Variants in KIF3A observed in about 807,000 individuals in gnomAD.
The protein encoded by KIF3A is kinesin family member 3A.
KIF3A carries 27 observed loss-of-function variants against 92.6 expected under a neutral mutation model. The ratio of observed to expected loss-of-function variants is 0.29; its 90% CI spans 0.21 to 0.40. The LOEUF is 0.40. Ranked by LOEUF, KIF3A falls within the 10% of genes least tolerant of loss-of-function variation. KIF3A has a pLI of 1.00. For missense variants in KIF3A, 581 were observed against 872.6 expected (o/e 0.67, Z 4.21); for synonymous variants, 250 against 275.4 (o/e 0.91, Z 0.92).
intron 9 of KIF3A, among the ~76,000 whole-genome samples, chr5:132,710,020 C>T (rs12514685): frequency 0.32 from 48,907 of 151,974 alleles, 10,989 homozygotes; most frequent in East Asian, 0.75. Flanking sequence ...AAACAATGAC[C>T]ACATTAATGG....
At chr5:132,724,761 G>A (rs576924475) in intron 4 of KIF3A, among the ~76,000 whole-genome samples, 42 of 134,872 alleles carry the variant, frequency 3.1e-4, no homozygotes, top group Admixed American at 2.5e-3. Context: ...CCTGCACGTC[G>A]TGCACATGTA....
At chr5:132,691,450 G>A (rs1213739345), downstream of KIF3A, among the ~76,000 whole-genome samples, 1 of 151,882 alleles carries the variant, frequency 6.6e-6, no homozygotes, top group Non-Finnish European at 1.5e-5. Flanking sequence ...TGAAGGCTGA[G>A]GCAGGAGAAT....
intron 18 of KIF3A, chr5:132,697,408 T>A (rs759908383): frequency 3.3e-5 from 5 of 152,120 alleles, no homozygotes; most frequent in Non-Finnish European, 5.9e-5. Context: ...GAAAACGTAT[T>A]CAAATATCAT....
rs761468842 is a variant in KIF3A, at chr5:132,699,265, G to C, written c.2038C>G (p.Leu680Val). 9 of 1,613,654 alleles carry C rather than the reference G, an allele frequency of 5.6e-6. No individual in the cohort carries two copies. Among genetic ancestry groups the C allele is most frequent in the South Asian group, 1.1e-5 (1 of 91,064 alleles). ...CGCAGACTCTCCTCAGTATAGGCAA[G>C]ATACACGTGAGAAAGGTCCACCTCA... ...PFEVDLSHVY[L>V]AYTEESLRQS... The change falls in exon 18 of 19, where the codon CTT (leucine) becomes GTT (valine). Residue 680 changes from leucine (L) to valine (V), a missense_variant. Transcript: ENST00000403231.
At chr5:132,714,587 G>A (rs1753554073) in intron 8 of KIF3A, among the ~76,000 whole-genome samples, 1 of 152,140 alleles carries the variant, frequency 6.6e-6, no homozygotes, top group African/African-American at 2.4e-5. Flanking sequence ...CATAGAGACC[G>A]AAAGTAGAAT....
chr5:132,731,858 G>A (rs545858201), intron 2 of KIF3A, among the ~76,000 whole-genome samples: 6 of 152,048 alleles, frequency 3.9e-5, no homozygotes, highest in Middle Eastern at 3.4e-3. Flanking sequence ...TTACAGGCAC[G>A]TGCCACCATG....
At chr5:132,718,288 A>G (rs1753703191) in intron 5 of KIF3A, among the ~76,000 whole-genome samples, 1 of 152,146 alleles carries the variant, frequency 6.6e-6, no homozygotes, top group Non-Finnish European at 1.5e-5. Flanking sequence ...AGCTCTGTGT[A>G]GGCACATTTA....
intron 9 of KIF3A, 94 bp downstream of exon 9, chr5:132,710,865 T>C (rs1283211115): frequency 6.5e-6 from 10 of 1,529,746 alleles, no homozygotes; most frequent in Non-Finnish European, 8.0e-6. Context: ...TTATCTAATA[T>C]ATTAAACAGA....
chr5:132,724,322 A>G (rs1396756430), intron 4 of KIF3A, among the ~76,000 whole-genome samples: 2 of 152,222 alleles, frequency 1.3e-5, no homozygotes, highest in Non-Finnish European at 2.9e-5. Flanking sequence ...AATATAAATC[A>G]TGCTGCTATA....
intron 17 of KIF3A, among the ~76,000 whole-genome samples, chr5:132,699,753 G>A (rs1327222573): frequency 3.3e-5 from 5 of 151,858 alleles, no homozygotes; most frequent in Admixed American, 2.0e-4. Context: ...TAGTAGAGAC[G>A]GGGTTTCACT....
intron 16 of KIF3A, 60 bp downstream of exon 16, chr5:132,700,587 T>A (rs950149153): frequency 8.5e-7 from 1 of 1,182,164 alleles, no homozygotes; most frequent in Non-Finnish European, 1.3e-6. Flanking sequence ...GCCAGCACAA[T>A]TTCTAGACCA....
intron 13 of KIF3A, 41 bp from the exon 14 acceptor site, chr5:132,702,709 T>C (rs1290783225): frequency 1.4e-6 from 2 of 1,427,352 alleles, no homozygotes; most frequent in African/African-American, 2.9e-5. Flanking sequence ...AATTTCTTTG[T>C]AAAATCAAAT....
At chr5:132,707,388 G>GA (rs1187621987) in intron 10 of KIF3A, among the ~76,000 whole-genome samples, 2 of 151,974 alleles carry the variant, frequency 1.3e-5, no homozygotes, top group Non-Finnish European at 2.9e-5. Flanking sequence ...CACATTACAA[G>GA]AAAAAAATTA....
intron 11 of KIF3A, among the ~76,000 whole-genome samples, chr5:132,704,726 C>T (rs1278400460): frequency 6.6e-6 from 1 of 151,784 alleles, no homozygotes; most frequent in Non-Finnish European, 1.5e-5. Context: ...AACTTCCTTC[C>T]CAAAGAACTA....
intron 11 of KIF3A, 156 bp from the exon 12 acceptor site, chr5:132,703,775 T>C: frequency 1.8e-6 from 1 of 564,928 alleles, no homozygotes; most frequent in Non-Finnish European, 3.1e-6. Context: ...TATCATGCAT[T>C]TCCATTTATT....
chr5:132,706,060 A>G (rs554326562), intron 11 of KIF3A, among the ~76,000 whole-genome samples: 83 of 152,230 alleles, frequency 5.5e-4, no homozygotes, highest in African/African-American at 2.0e-3. Context: ...TGCTCTAACC[A>G]ATATTGTGAA....
intron 2 of KIF3A, among the ~76,000 whole-genome samples, 199 bp from the exon 3 acceptor site, chr5:132,726,697 A>G (rs78366968): frequency 3.3e-5 from 5 of 152,336 alleles, no homozygotes; most frequent in Non-Finnish European, 5.9e-5. Context: ...TACAGCAGTC[A>G]ATGAGAGATA....
At position 132,696,434 on chromosome 5, in the gene KIF3A, T is replaced by A; in HGVS notation, c.*200A>T. The A allele has an allele frequency of 1.9e-6, 1 of 520,398 alleles. No individual in the cohort carries two copies. Among genetic ancestry groups the A allele is most frequent in the Non-Finnish European group, 3.5e-6 (1 of 288,244 alleles). The allele number at this position is 520,398 out of a possible 1,614,324, so 32.2% of individuals were successfully genotyped here. On this transcript the variant is annotated 3_prime_UTR_variant, in exon 19 of 19. Coordinates refer to ENST00000403231, the MANE Select transcript of KIF3A (RefSeq NM_001300791.2). The stretch of plus-strand genomic sequence containing the variant: ...AGTAGTAGTACAACAATTTGAACAA[T>A]CACCAGTTGTACAATTTTAATGTTA...
chr5:132,716,213 T>C, intron 7 of KIF3A, 32 bp downstream of exon 7: 2 of 1,508,836 alleles, frequency 1.3e-6, no homozygotes, highest in Non-Finnish European at 1.8e-6. Flanking sequence ...TAAATTTGCC[T>C]GATGTTAACT....
Sources: gnomAD v4.1 joint callset for allele counts (sites outside exome capture counted in the v4.1 genomes callset) on GRCh38, gnomAD v4.1.1 for gene constraint, MANE v1.5 for transcripts, NCBI Gene and HGNC (gene_info 2026-07-23, HGNC 2026-07-21) for gene names.